CDH4: variants seen among roughly 807,000 people sequenced by gnomAD.
CDH4 encodes cadherin-4.
Under a neutral mutation model 86.0 loss-of-function variants are expected in CDH4, and 33 were observed. The ratio of observed to expected loss-of-function variants is 0.38; its 90% CI spans 0.29 to 0.51. The LOEUF (loss-of-function observed/expected upper bound fraction) is 0.51. Among genes scored for constraint, CDH4 ranks in the 20% least tolerant of loss-of-function variants. The pLI is 0.86. For synonymous variants in CDH4, 555 were observed against 549.4 expected (o/e 1.01, Z -0.14); for missense variants, 1,114 against 1,307.4 (o/e 0.85, Z 2.28).
intron 2 of CDH4, among the ~76,000 whole-genome samples, chr20:61,363,475 A>G (rs1213815837): frequency 6.6e-6 from 1 of 150,784 alleles, no homozygotes; most frequent in Non-Finnish European, 1.5e-5. Context: ...GACAAATGTT[A>G]TAAAGAAGTC....
intron 2 of CDH4, among the ~76,000 whole-genome samples, chr20:61,309,955 C>T (rs1323569445): frequency 6.6e-6 from 1 of 152,182 alleles, no homozygotes; most frequent in Non-Finnish European, 1.5e-5. Context: ...GCTAGGGTGG[C>T]CTCTCCATTG....
chr20:61,892,965 A>G (rs1399010280), intron 7 of CDH4, among the ~76,000 whole-genome samples: 1 of 135,146 alleles, frequency 7.4e-6, no homozygotes, highest in African/African-American at 2.7e-5. Flanking sequence ...TGGGTGGGTG[A>G]ATAGAGGGAT....
chr20:61,560,936 G>T lies in CDH4; in HGVS notation c.170-182627G>T, dbSNP rs576406775. ...ATGAGAGGGACGGGCCGGGGTCACC[G>T]CTGTGACCAGCCGTTTATACCCAGA... is the stretch of plus-strand genomic sequence containing the variant. On this transcript the variant is annotated intron_variant, in intron 2 of 15. Coordinates refer to ENST00000614565, the MANE Select transcript of CDH4 (RefSeq NM_001794.5). Among the ~76,000 whole-genome samples the T allele has an allele frequency of 1.3e-4, 20 of 152,334 alleles. No homozygotes were observed. The South Asian group carries it at 4.1e-3, about 32-fold the overall frequency.
intron 3 of CDH4, among the ~76,000 whole-genome samples, chr20:61,769,918 G>C (rs34200138): frequency 0.031 from 4,774 of 152,320 alleles, 105 homozygotes; most frequent in Middle Eastern, 0.099. Flanking sequence ...CCAGGGAGGT[G>C]CTATCTGTCT....
At chr20:61,329,261 C>T (rs1355775132) in intron 2 of CDH4, among the ~76,000 whole-genome samples, 1 of 45,256 alleles carries the variant, frequency 2.2e-5, no homozygotes, top group Non-Finnish European at 5.1e-5. Context: ...ACGTTCTGCA[C>T]TGGAATCCAC....
intron 2 of CDH4, among the ~76,000 whole-genome samples, chr20:61,421,659 A>C (rs79325333): frequency 6.6e-6 from 1 of 152,100 alleles, no homozygotes; most frequent in Non-Finnish European, 1.5e-5. Context: ...TCAAAAAAAA[A>C]GGAGGAACTG....
chr20:61,287,723 A>G (rs969447275), intron 2 of CDH4, among the ~76,000 whole-genome samples: 1 of 152,026 alleles, frequency 6.6e-6, no homozygotes, highest in African/African-American at 2.4e-5. Context: ...GGAGGCGGGG[A>G]GAGAGAGTCT....
chr20:61,350,564 C>T (rs1226251957), intron 2 of CDH4, among the ~76,000 whole-genome samples: 1 of 144,442 alleles, frequency 6.9e-6, no homozygotes, highest in Non-Finnish European at 1.5e-5. Context: ...CAGGGTCAGG[C>T]AGGCCCCCCA....
intron 7 of CDH4, among the ~76,000 whole-genome samples, chr20:61,886,034 G>A (rs954563397): frequency 6.6e-6 from 1 of 152,232 alleles, no homozygotes; most frequent in Non-Finnish European, 1.5e-5. Context: ...AGGGATGCAG[G>A]GCATCTGCAA....
intron 2 of CDH4, among the ~76,000 whole-genome samples, chr20:61,376,420 G>T (rs2084872808): frequency 6.6e-6 from 1 of 152,150 alleles, no homozygotes; most frequent in Non-Finnish European, 1.5e-5. Context: ...CCAGGCCTGG[G>T]AAGGGAGACA....
intron 2 of CDH4, among the ~76,000 whole-genome samples, chr20:61,651,399 C>T (rs2087119232): frequency 1.3e-5 from 2 of 152,240 alleles, no homozygotes; most frequent in Non-Finnish European, 2.9e-5. Context: ...GTCAAGCGTA[C>T]AGGGGCCTCC....
chr20:61,607,029 T>C (rs1010259267), intron 2 of CDH4, among the ~76,000 whole-genome samples: 1 of 152,238 alleles, frequency 6.6e-6, no homozygotes, highest in Non-Finnish European at 1.5e-5. Context: ...CTGTGGTGGG[T>C]GACAGTGATG....
intron 2 of CDH4, among the ~76,000 whole-genome samples, chr20:61,625,971 T>C (rs996617720): frequency 6.6e-6 from 1 of 152,230 alleles, no homozygotes; most frequent in Non-Finnish European, 1.5e-5. Context: ...CCTGACCAGC[T>C]AGGAAGTGCT....
At chr20:61,431,416 G>C (rs1463143725) in intron 2 of CDH4, among the ~76,000 whole-genome samples, 1 of 145,230 alleles carries the variant, frequency 6.9e-6, no homozygotes, top group Non-Finnish European at 1.5e-5. Flanking sequence ...CTGGAGTGTA[G>C]TTTTGCAATC....
chr20:61,403,314 T>C (rs189488183), intron 2 of CDH4, among the ~76,000 whole-genome samples: 88 of 152,290 alleles, frequency 5.8e-4, no homozygotes, highest in African/African-American at 1.8e-3. Flanking sequence ...CCCTGTGGGT[T>C]TGAGGGTGTT....
chr20:61,620,513 C>T (rs190710607), intron 2 of CDH4, among the ~76,000 whole-genome samples: 92 of 147,902 alleles, frequency 6.2e-4, no homozygotes, highest in African/African-American at 2.2e-3. Flanking sequence ...ATGATAGATT[C>T]GTACATACAT....
intron 2 of CDH4, among the ~76,000 whole-genome samples, chr20:61,714,981 C>A (rs1052301850): frequency 3.9e-5 from 6 of 152,208 alleles, no homozygotes; most frequent in Admixed American, 3.9e-4. Flanking sequence ...TTTAAGAAAT[C>A]TCCATGCTGT....
At chr20:61,566,860 G>A (rs1237750338) in intron 2 of CDH4, among the ~76,000 whole-genome samples, 1 of 152,048 alleles carries the variant, frequency 6.6e-6, no homozygotes, top group Non-Finnish European at 1.5e-5. Context: ...GGGTTTGCGC[G>A]GGAGGCTGCC....
chr20:61,367,859 T>C (rs1214380006), intron 2 of CDH4, among the ~76,000 whole-genome samples: 1 of 146,610 alleles, frequency 6.8e-6, no homozygotes, highest in East Asian at 2.1e-4. Flanking sequence ...AATGCCTTTC[T>C]CCAGGATCTT....
Sources: gnomAD v4.1 joint callset for allele counts (sites outside exome capture counted in the v4.1 genomes callset) on GRCh38, gnomAD v4.1.1 for gene constraint, MANE v1.5 for transcripts, NCBI Gene and HGNC (gene_info 2026-07-23, HGNC 2026-07-21) for gene names.